Variants in SH3RF1 observed in about 807,000 individuals in gnomAD.
SH3RF1 encodes the protein E3 ubiquitin-protein ligase SH3RF1.
A neutral mutation model predicts 74.0 loss-of-function variants in SH3RF1; 32 were observed. The observed-to-expected ratio is 0.43, with a 90% CI of 0.33 to 0.58. The LOEUF is 0.58. Among genes scored for constraint, SH3RF1 ranks in the 20% least tolerant of loss-of-function variants. SH3RF1 has a pLI of 0.05. For synonymous variants in SH3RF1, 396 were observed against 439.6 expected, an observed-to-expected ratio of 0.90 and a Z score of 1.24; for missense variants, 954 against 1,130.9, an observed-to-expected ratio of 0.84 and a Z score of 2.24.
rs192861211 is a variant in SH3RF1, at chr4:169,217,961, A to T, written c.393+50859T>A. Among the ~76,000 whole-genome samples the T allele has an allele frequency of 4.6e-5, 7 of 152,178 alleles. No individual in the cohort carries two copies. The East Asian group carries it at 1.3e-3, about 29-fold the overall frequency. ...CTGAGAACATTCCTATGGTTTTCCA[A>T]ATCATCACAACACAAATAATATTCT... On this transcript the variant is annotated intron_variant, in intron 2 of 11. Transcript: ENST00000284637.
intron 2 of SH3RF1, among the ~76,000 whole-genome samples, chr4:169,221,868 G>A (rs1280742987): frequency 2.6e-5 from 4 of 152,180 alleles, no homozygotes; most frequent in African/African-American, 9.7e-5. Context: ...AGTACAAACA[G>A]TGAACTGCTA....
chr4:169,106,587 G>T (rs998686051), intron 11 of SH3RF1, among the ~76,000 whole-genome samples: 1 of 152,010 alleles, frequency 6.6e-6, no homozygotes, highest in African/African-American at 2.4e-5. Context: ...TTTTTACCTG[G>T]ACACAATTCA....
intron 11 of SH3RF1, among the ~76,000 whole-genome samples, chr4:169,103,222 C>T (rs978795566): frequency 6.6e-6 from 1 of 151,558 alleles, no homozygotes; most frequent in African/African-American, 2.4e-5. Context: ...AGGCATGAGC[C>T]ACCATGCCTG....
chr4:169,177,871 C>T (rs957615148), intron 2 of SH3RF1, among the ~76,000 whole-genome samples: 17 of 151,944 alleles, frequency 1.1e-4, no homozygotes, highest in African/African-American at 3.9e-4. Context: ...TATATATATG[C>T]TCACGTTATA....
rs540571060 is a variant in SH3RF1 at position 169,175,373 on chromosome 4, C to T, written c.394-18694G>A. 3.9e-5 allele frequency among the ~76,000 whole-genome samples: 6 copies of T among 152,284 alleles called. No homozygotes were observed. The South Asian group carries it at 1.2e-3, about 32-fold the overall frequency. On this transcript the variant is annotated intron_variant, in intron 2 of 11. Transcript: ENST00000284637. Reference sequence around the variant, plus strand: ...AAGGCTTTCTATCATCTGGTCCCGGCTAACCTCTCTGGCTCCCTCTCCAAT... The same window carrying T: ...AAGGCTTTCTATCATCTGGTCCCGGTTAACCTCTCTGGCTCCCTCTCCAAT...
intron 2 of SH3RF1, among the ~76,000 whole-genome samples, chr4:169,168,576 C>T (rs1734281266): frequency 6.6e-6 from 1 of 152,168 alleles, no homozygotes; most frequent in Non-Finnish European, 1.5e-5. Flanking sequence ...CTGATTGGAA[C>T]TCGCTGAATA....
chr4:169,226,417 C>G (rs1168790581), intron 2 of SH3RF1, among the ~76,000 whole-genome samples: 1 of 151,734 alleles, frequency 6.6e-6, no homozygotes, highest in Admixed American at 6.6e-5. Context: ...ATAACACTAC[C>G]ATTCCACAGC....
intron 8 of SH3RF1, among the ~76,000 whole-genome samples, 171 bp downstream of exon 8, chr4:169,120,648 A>T (rs1022511832): frequency 4.6e-5 from 7 of 152,214 alleles, no homozygotes; most frequent in Non-Finnish European, 1.0e-4. Context: ...AAAATAAGCT[A>T]AAAATTTTAG....
Position 169,182,856 on chromosome 4 carries a change from C to CA in SH3RF1, c.394-26178dup, listed in dbSNP as rs201151193. On this transcript the variant is annotated intron_variant, in intron 2 of 11. Transcript: ENST00000284637. ...AGGTAAAGAACTGCTTTCTTCCAAC[C>CA]AAAAAAAAAAGGAGAAAGGTGGTTT... Among the ~76,000 whole-genome samples the CA allele has an allele frequency of 3.2e-3, 462 of 144,818 alleles. 14 individuals are homozygous for CA. In the East Asian group the frequency reaches 0.055, roughly 17 times the overall value.
At chr4:169,240,089 G>T (rs1214280650) in intron 2 of SH3RF1, among the ~76,000 whole-genome samples, 2 of 152,088 alleles carry the variant, frequency 1.3e-5, no homozygotes, top group Non-Finnish European at 2.9e-5. Flanking sequence ...ACTGCACACT[G>T]GAACATCTAA....
intron 11 of SH3RF1, among the ~76,000 whole-genome samples, chr4:169,101,854 T>C (rs1322295454): frequency 6.6e-6 from 1 of 152,052 alleles, no homozygotes; most frequent in African/African-American, 2.4e-5. Context: ...TAACTCAACT[T>C]TTGGTGATAA....
chr4:169,142,726 C>T (rs1733806947), intron 4 of SH3RF1, among the ~76,000 whole-genome samples: 1 of 152,204 alleles, frequency 6.6e-6, no homozygotes, highest in African/African-American at 2.4e-5. Context: ...AAGTCAGTCA[C>T]TTTGAAGAAT....
intron 2 of SH3RF1, chr4:169,217,293 G>A (rs1507168): frequency 0.48 from 73,005 of 152,108 alleles, 18,512 homozygotes; most frequent in East Asian, 0.78. Context: ...TGACCCAGAG[G>A]TAAAGGCAAT....
intron 10 of SH3RF1, among the ~76,000 whole-genome samples, chr4:169,113,515 T>C (rs760621818): frequency 1.3e-5 from 2 of 152,192 alleles, no homozygotes; most frequent in Non-Finnish European, 2.9e-5. Context: ...GAAATAAAAC[T>C]CTTCCAGGAG....
intron 2 of SH3RF1, among the ~76,000 whole-genome samples, chr4:169,201,103 AC>A (rs1326288969): frequency 6.6e-6 from 1 of 152,212 alleles, no homozygotes; most frequent in Admixed American, 6.5e-5. Context: ...TTTGAAAAAA[AC>A]CTTTTCTATG....
intron 2 of SH3RF1, among the ~76,000 whole-genome samples, chr4:169,218,899 T>C (rs754396186): frequency 5.9e-5 from 9 of 152,162 alleles, no homozygotes; most frequent in African/African-American, 2.2e-4. Context: ...AGTCAATGAT[T>C]CATTCAAGGT....
chr4:169,262,275 C>T (rs1213763342), intron 2 of SH3RF1, among the ~76,000 whole-genome samples: 5 of 152,156 alleles, frequency 3.3e-5, no homozygotes, highest in East Asian at 3.8e-4. Flanking sequence ...AGTATATACA[C>T]ACTTAATAAC....
chr4:169,172,383 T>C (rs1734345072), intron 2 of SH3RF1, among the ~76,000 whole-genome samples: 1 of 152,230 alleles, frequency 6.6e-6, no homozygotes, highest in African/African-American at 2.4e-5. Context: ...ACTCAGAAAA[T>C]ATCTTCGTTT....
chr4:169,159,373 G>A (rs537980462), intron 2 of SH3RF1, among the ~76,000 whole-genome samples: 54 of 152,224 alleles, frequency 3.5e-4, no homozygotes, highest in South Asian at 1.0e-3. Flanking sequence ...CACAGCAATC[G>A]ACAGAGAGAG....
Sources: allele counts gnomAD v4.1 joint callset (sites outside exome capture counted in the v4.1 genomes callset), GRCh38; gene constraint gnomAD v4.1.1; transcripts MANE v1.5; gene names NCBI Gene and HGNC (gene_info 2026-07-23, HGNC 2026-07-21).